Variants in TRAK1 observed in about 807,000 individuals in gnomAD.
TRAK1 encodes trafficking kinesin protein 1.
Under a neutral mutation model 92.1 loss-of-function variants are expected in TRAK1, and 33 were observed. That is an observed-to-expected ratio of 0.36 (90% CI 0.27 to 0.48). The LOEUF (loss-of-function observed/expected upper bound fraction) is 0.48. Among genes scored for constraint, TRAK1 ranks in the 20% least tolerant of loss-of-function variants. TRAK1 has a pLI of 0.99. For missense variants in TRAK1, 1,123 were observed against 1,257.9 expected (o/e 0.89, Z 1.62); for synonymous variants, 521 against 517.3 (o/e 1.01, Z -0.10).
intron 14 of TRAK1, chr3:42,212,016 A>T: frequency 1.0e-6 from 1 of 985,420 alleles, no homozygotes; most frequent in South Asian, 4.7e-5. Flanking sequence ...CATCTTTAAA[A>T]ACTGGCTTCA....
At chr3:42,104,241 GC>G (rs1699932603) in intron 1 of TRAK1, among the ~76,000 whole-genome samples, 1 of 152,200 alleles carries the variant, frequency 6.6e-6, no homozygotes, top group African/African-American at 2.4e-5. Flanking sequence ...GCAGGGCATA[GC>G]TGAACTTCTG....
chr3:42,041,810 TTTGAGA>T (rs1208342968), intron 1 of TRAK1, among the ~76,000 whole-genome samples: 11 of 152,098 alleles, frequency 7.2e-5, no homozygotes, highest in African/African-American at 2.2e-4. Context: ...TTCTTTTCTT[TTTGAGA>T]CGGAGTCTCG....
intron 2 of TRAK1, among the ~76,000 whole-genome samples, chr3:42,158,365 C>T (rs1700803889): frequency 6.6e-6 from 1 of 152,134 alleles, no homozygotes; most frequent in African/African-American, 2.4e-5. Context: ...GAGGTTCTTC[C>T]TCTCTCCTGC....
intron 1 of TRAK1, among the ~76,000 whole-genome samples, chr3:42,094,334 A>T (rs1705576892): frequency 6.6e-6 from 1 of 152,200 alleles, no homozygotes; most frequent in Non-Finnish European, 1.5e-5. Flanking sequence ...AAACACTGAA[A>T]AACTTGAGCA....
At chr3:42,144,392 C>G (rs1280471704) in intron 2 of TRAK1, among the ~76,000 whole-genome samples, 1 of 152,102 alleles carries the variant, frequency 6.6e-6, no homozygotes. Context: ...CTTCCCCTGT[C>G]TCTGTGGAAT....
In TRAK1 at chr3:42,138,685, G is replaced by C. The variant is rs572212090; in HGVS notation, c.286+13071G>C. On this transcript the variant is annotated intron_variant, in intron 2 of 15. Coordinates refer to ENST00000327628, the MANE Select transcript of TRAK1 (RefSeq NM_001042646.3). Reference sequence around the variant, plus strand: ...GAGGATTGCCTGAATCCAGGAGTTCGAGACCAGCCTGGGGAACATGGTGAG... The same window carrying C: ...GAGGATTGCCTGAATCCAGGAGTTCCAGACCAGCCTGGGGAACATGGTGAG... Among the ~76,000 whole-genome samples the C allele has an allele frequency of 2.0e-5, 3 of 147,482 alleles. No individual in the cohort carries two copies. The East Asian group carries it at 6.0e-4, about 29-fold the overall frequency.
At chr3:42,133,265 C>T (rs2149179289) in intron 2 of TRAK1, among the ~76,000 whole-genome samples, 1 of 152,326 alleles carries the variant, frequency 6.6e-6, no homozygotes, top group African/African-American at 2.4e-5. Flanking sequence ...TCCACCCTCT[C>T]CTTACCCTAT....
intron 1 of TRAK1, among the ~76,000 whole-genome samples, chr3:42,113,399 TCTACCC>T (rs1177127979): frequency 2.4e-3 from 53 of 22,090 alleles, no homozygotes; most frequent in African/African-American, 9.2e-3. Context: ...TACCCCTACC[TCTACCC>T]CTACCCCTAC....
intron 1 of TRAK1, among the ~76,000 whole-genome samples, chr3:42,077,363 A>T (rs1048639789): frequency 1.5e-4 from 23 of 152,314 alleles, no homozygotes; most frequent in African/African-American, 5.5e-4. Flanking sequence ...ATCTAGGCTC[A>T]CTGCAACCTC....
At chr3:42,219,789 T>TG (rs1277822231) in intron 15 of TRAK1, among the ~76,000 whole-genome samples, 193 bp downstream of exon 15, 2 of 97,494 alleles carry the variant, frequency 2.1e-5, no homozygotes, top group Non-Finnish European at 3.7e-5. Context: ...GTTATGTGTT[T>TG]TTTTTTTTTT....
At chr3:42,058,704 A>C (rs1030246753) in intron 1 of TRAK1, among the ~76,000 whole-genome samples, 1 of 152,090 alleles carries the variant, frequency 6.6e-6, no homozygotes, top group African/African-American at 2.4e-5. Flanking sequence ...ATCTCCCTTT[A>C]ATGTCCATTG....
rs772908047 is a variant in TRAK1 at position 42,170,824 on chromosome 3, C to CT, written c.287-5973dup. On this transcript the variant is annotated intron_variant, in intron 2 of 15. Coordinates refer to ENST00000327628, the MANE Select transcript of TRAK1 (RefSeq NM_001042646.3). ...AAATATATCAGGCAGTCTTGAATAT[C>CT]TTTTTTTTTTTTTTTTTGAGACAGA... is the stretch of plus-strand genomic sequence containing the variant. 6.5e-3 allele frequency among the ~76,000 whole-genome samples: 907 copies of CT among 139,586 alleles called. 2 individuals carry two copies. Among genetic ancestry groups the CT allele is most frequent in the Middle Eastern group, 0.018 (5 of 274 alleles). 91.6% of individuals were successfully genotyped at this position (139,586 alleles called of 152,430 possible). A position where few individuals can be genotyped will look rare whatever the true frequency, so the allele number is the denominator to read the frequency against.
chr3:42,048,291 A>G (rs1280061529), intron 1 of TRAK1, among the ~76,000 whole-genome samples: 1 of 152,170 alleles, frequency 6.6e-6, no homozygotes, highest in Non-Finnish European at 1.5e-5. Context: ...CTCACAGTGC[A>G]CAAAACTAAA....
chr3:42,131,584 G>A (rs985275464), intron 2 of TRAK1, among the ~76,000 whole-genome samples: 2 of 128,174 alleles, frequency 1.6e-5, no homozygotes, highest in Admixed American at 7.6e-5. Context: ...AGGCATGGTG[G>A]CGTGCACCTG....
Position 42,223,836 on chromosome 3 carries a change from C to T in TRAK1, c.*99C>T. The T allele has an allele frequency of 7.6e-7, 1 of 1,322,162 alleles. No individual in the cohort carries two copies. The highest frequency in any genetic ancestry group is 1.0e-6 in the Non-Finnish European group (1 of 958,062). The allele number at this position is 1,322,162 out of a possible 1,614,324, so 81.9% of individuals were successfully genotyped here. The stretch of plus-strand genomic sequence containing the variant: ...CCCACAGTGCACTCCCTCCCTCTGC[C>T]CTTCTCTGTCCACCCCCTCCTAAGC... On this transcript the variant is annotated 3_prime_UTR_variant, in exon 16 of 16. Transcript: ENST00000327628. This position sits in a 1 kb window ranked among gnomAD's most constrained non-coding sequence, Gnocchi z 6.1.
At chr3:42,217,584 G>C (rs1709863218) in intron 14 of TRAK1, 1 of 985,230 alleles carries the variant, frequency 1.0e-6, no homozygotes, top group African/African-American at 1.7e-5. Flanking sequence ...GTGACCTTTT[G>C]ATTTGATATT....
At chr3:42,015,883 A>C (rs981530835) in intron 1 of TRAK1, among the ~76,000 whole-genome samples, 1 of 151,966 alleles carries the variant, frequency 6.6e-6, no homozygotes, top group African/African-American at 2.4e-5. Flanking sequence ...CTAAAAATAC[A>C]AAAATTAGCT....
At chr3:42,131,900 A>T (rs1345252287) in intron 2 of TRAK1, among the ~76,000 whole-genome samples, 5 of 91,386 alleles carry the variant, frequency 5.5e-5, no homozygotes, top group South Asian at 5.5e-4. Context: ...TCTACAAAAA[A>T]TTAAAAAAAA....
At position 42,132,251 on chromosome 3, in the gene TRAK1, T is replaced by A. The variant is rs1409128303; in HGVS notation, c.286+6637T>A. 1.1e-4 allele frequency among the ~76,000 whole-genome samples: 17 copies of A among 152,034 alleles called. No individual in the cohort carries two copies. In the East Asian group the frequency reaches 1.7e-3, roughly 16 times the overall value. ...GTAAATGCTATGTTTTTTGTTTTTTTTTTTTTGTTTGGTGTATTTTTTTTT... is the reference window on the plus strand; with the variant it reads ...GTAAATGCTATGTTTTTTGTTTTTTATTTTTTGTTTGGTGTATTTTTTTTT... On this transcript the variant is annotated intron_variant, in intron 2 of 15. Transcript: ENST00000327628.
Sources: gnomAD v4.1 joint callset for allele counts (sites outside exome capture counted in the v4.1 genomes callset) on GRCh38, gnomAD v4.1.1 for gene constraint, Gnocchi (gnomAD v3.1) non-coding constraint, MANE v1.5 for transcripts, NCBI Gene and HGNC (gene_info 2026-07-23, HGNC 2026-07-21) for gene names.